The following SLC24A3 variants were observed in gnomAD, a reference collection of about 807,000 sequenced individuals.
SLC24A3 encodes solute carrier family 24 member 3.
A neutral mutation model predicts 75.8 loss-of-function variants in SLC24A3; 28 were observed. The observed-to-expected ratio is 0.37, with a 90% confidence interval of 0.27 to 0.51. The LOEUF is 0.51. Ranked by LOEUF, SLC24A3 falls within the 20% of genes least tolerant of loss-of-function variation. The pLI, the probability that SLC24A3 is intolerant of heterozygous loss-of-function variation, is 0.94. For missense variants in SLC24A3, 663 were observed against 847.8 expected (o/e 0.78, Z 2.71); for synonymous variants, 372 against 334.1 (o/e 1.11, Z -1.24).
intron 1 of SLC24A3, among the ~76,000 whole-genome samples, chr20:19,261,294 AG>A (rs1197859935): frequency 6.6e-6 from 1 of 152,082 alleles, no homozygotes; most frequent in Non-Finnish European, 1.5e-5. Flanking sequence ...ACCCCCAAGA[AG>A]GGGGATGGGG....
chr20:19,321,862 T>C (rs1014690631), intron 2 of SLC24A3, among the ~76,000 whole-genome samples: 1 of 152,194 alleles, frequency 6.6e-6, no homozygotes, highest in African/African-American at 2.4e-5. Flanking sequence ...TAGCCAAGGT[T>C]CCCACATTGC....
chr20:19,400,916 A>G (rs1436778887), intron 2 of SLC24A3, among the ~76,000 whole-genome samples: 1 of 152,124 alleles, frequency 6.6e-6, no homozygotes, highest in African/African-American at 2.4e-5. Context: ...TTAATGTAGG[A>G]GGGTAAATCC....
chr20:19,638,356 G>GA (rs2032026688), intron 6 of SLC24A3, among the ~76,000 whole-genome samples: 2 of 152,204 alleles, frequency 1.3e-5, no homozygotes, highest in Admixed American at 6.5e-5. Flanking sequence ...ATACCGCTGG[G>GA]ACATAGGAGG....
Position 19,530,075 on chromosome 20 carries a change from G to A in SLC24A3, c.348+14511G>A, listed in dbSNP as rs116211905. Among the ~76,000 whole-genome samples, 569 of 152,140 alleles carry A rather than the reference G, an allele frequency of 3.7e-3. 9 individuals carry two copies. Among genetic ancestry groups the A allele is most frequent in the African/African-American group, 0.012 (517 of 41,492 alleles). ...ATGTCATTCCCTATAAAACCAGCTG[G>A]CCTTTATTTTTTATTTTTTTAAAAA... On this transcript the variant is annotated intron_variant, in intron 3 of 16. Coordinates refer to ENST00000328041, the MANE Select transcript of SLC24A3 (RefSeq NM_020689.4).
intron 13 of SLC24A3, chr20:19,695,314 G>C (rs2122138789): frequency 6.6e-6 from 1 of 152,280 alleles, no homozygotes; most frequent in South Asian, 2.1e-4. Flanking sequence ...TGCATTTCCT[G>C]TAATTTTATG....
At chr20:19,459,661 A>T (rs1987637562) in intron 2 of SLC24A3, among the ~76,000 whole-genome samples, 1 of 152,162 alleles carries the variant, frequency 6.6e-6, no homozygotes, top group Non-Finnish European at 1.5e-5. Context: ...TAAATATTTC[A>T]TAAATGGTCA....
chr20:19,623,214 C>T lies in SLC24A3; in HGVS notation c.613-30848C>T, dbSNP rs80177086. 9.2e-3 allele frequency among the ~76,000 whole-genome samples: 1,397 copies of T among 152,306 alleles called. 30 individuals are homozygous for T. The highest frequency in any genetic ancestry group is 0.032 in the African/African-American group (1,321 of 41,566). On this transcript the variant is annotated intron_variant, in intron 6 of 16. Transcript: ENST00000328041. ...AGTCTTTAATTGAACAAGTGGCTCC[C>T]ATGGGCTCTGGACATTGAAAAAGCC...
intron 2 of SLC24A3, among the ~76,000 whole-genome samples, chr20:19,384,906 G>A (rs139698212): frequency 1.8e-4 from 28 of 152,062 alleles, no homozygotes; most frequent in East Asian, 3.9e-4. Flanking sequence ...CTTAGTTTGC[G>A]TTTCTCTGAT....
intron 6 of SLC24A3, among the ~76,000 whole-genome samples, chr20:19,601,396 G>A (rs1421230756): frequency 1.3e-5 from 2 of 152,124 alleles, no homozygotes; most frequent in Non-Finnish European, 2.9e-5. Flanking sequence ...AGCTCAAGGA[G>A]TTGGAATTCC....
intron 2 of SLC24A3, among the ~76,000 whole-genome samples, chr20:19,291,592 C>A (rs1983942989): frequency 6.6e-6 from 1 of 152,200 alleles, no homozygotes; most frequent in African/African-American, 2.4e-5. Context: ...ACTCCCATTT[C>A]TTTTGGCTGA....
intron 2 of SLC24A3, among the ~76,000 whole-genome samples, chr20:19,486,788 A>C (rs76358397): frequency 0.06 from 9,153 of 152,322 alleles, 827 homozygotes; most frequent in African/African-American, 0.2. Flanking sequence ...CTGAAGTGGA[A>C]GGATGTGGAT....
chr20:19,397,647 C>CTTTT (rs3057518), intron 2 of SLC24A3, among the ~76,000 whole-genome samples: 164 of 117,032 alleles, frequency 1.4e-3, no homozygotes, highest in Non-Finnish European at 2.2e-3. Context: ...TTTTTCTTTT[C>CTTTT]TTTTTTTTTT....
At chr20:19,456,651 T>C (rs1987583025) in intron 2 of SLC24A3, among the ~76,000 whole-genome samples, 1 of 152,252 alleles carries the variant, frequency 6.6e-6, no homozygotes, top group Non-Finnish European at 1.5e-5. Context: ...ATGGCCAGGA[T>C]GTCAGTAACC....
chr20:19,376,323 A>G (rs1370514006), intron 2 of SLC24A3, among the ~76,000 whole-genome samples: 2 of 152,156 alleles, frequency 1.3e-5, no homozygotes, highest in Non-Finnish European at 2.9e-5. Context: ...TGAAAGGACA[A>G]ATGGAGGGCT....
At position 19,345,859 on chromosome 20, in the gene SLC24A3, C is replaced by T. The variant is rs146259277; in HGVS notation, c.271+64772C>T. 7.9e-3 allele frequency among the ~76,000 whole-genome samples: 1,202 copies of T among 151,742 alleles called. 19 individuals are homozygous for T. The highest frequency in any genetic ancestry group is 0.028 in the African/African-American group (1,146 of 41,398). ...TGGTGGGAAGGTAAAATAGTACCAC[C>T]ACTATGGAAAACAGTGTGGAGATTC... is the stretch of plus-strand genomic sequence containing the variant. On this transcript the variant is annotated intron_variant, in intron 2 of 16. Coordinates refer to ENST00000328041, the MANE Select transcript of SLC24A3 (RefSeq NM_020689.4).
chr20:19,622,718 G>A (rs2031819667), intron 6 of SLC24A3, among the ~76,000 whole-genome samples: 1 of 152,192 alleles, frequency 6.6e-6, no homozygotes, highest in Admixed American at 6.5e-5. Flanking sequence ...TAGCCCATTT[G>A]TGTTGCTATA....
At chr20:19,580,480 T>G (rs2031203671) in intron 4 of SLC24A3, among the ~76,000 whole-genome samples, 1 of 152,058 alleles carries the variant, frequency 6.6e-6, no homozygotes, top group Admixed American at 6.6e-5. Context: ...CTCGCAGGAT[T>G]AAAAACCTCC....
chr20:19,616,010 A>T (rs1254446630), intron 6 of SLC24A3, among the ~76,000 whole-genome samples: 4 of 152,150 alleles, frequency 2.6e-5, no homozygotes, highest in Non-Finnish European at 4.4e-5. Flanking sequence ...AACTCCTTCT[A>T]TAGGTACATA....
chr20:19,374,783 T>A (rs1432954508), intron 2 of SLC24A3, among the ~76,000 whole-genome samples: 3 of 152,162 alleles, frequency 2.0e-5, no homozygotes, highest in Non-Finnish European at 2.9e-5. Context: ...CTTCACCCAT[T>A]CTTATCAGGG....
Sources: gnomAD v4.1 joint callset for allele counts (sites outside exome capture counted in the v4.1 genomes callset) on GRCh38, gnomAD v4.1.1 for gene constraint, MANE v1.5 for transcripts, NCBI Gene and HGNC (gene_info 2026-07-23, HGNC 2026-07-21) for gene names.